Variants in PELI2 observed in about 807,000 individuals in gnomAD.
The protein encoded by PELI2 is E3 ubiquitin-protein ligase pellino homolog 2.
Under a neutral mutation model 42.3 loss-of-function variants are expected in PELI2, and 23 were observed. That is an observed-to-expected ratio of 0.54 (90% CI 0.39 to 0.77). PELI2 has a LOEUF of 0.77. Ranked by LOEUF, PELI2 falls within the 30% of genes least tolerant of loss-of-function variation. The pLI is 0.00. For synonymous variants in PELI2, 245 were observed against 212.2 expected (o/e 1.15, Z -1.34); for missense variants, 463 against 553.2 (o/e 0.84, Z 1.64).
intron 2 of PELI2, among the ~76,000 whole-genome samples, chr14:56,231,835 A>G (rs777593864): frequency 6.6e-6 from 1 of 152,150 alleles, no homozygotes; most frequent in Non-Finnish European, 1.5e-5. Context: ...TTTTTTGAAA[A>G]GATCAACAAA....
At chr14:56,170,126 G>A (rs1180367788) in intron 1 of PELI2, among the ~76,000 whole-genome samples, 1 of 152,198 alleles carries the variant, frequency 6.6e-6, no homozygotes, top group African/African-American at 2.4e-5. Context: ...GATCATAGTA[G>A]TTGCTTGTGA....
At chr14:56,161,318 GGTT>G (rs1278472343) in intron 1 of PELI2, among the ~76,000 whole-genome samples, 2 of 149,996 alleles carry the variant, frequency 1.3e-5, no homozygotes, top group African/African-American at 4.9e-5. Flanking sequence ...TTTTGGTGGT[GGTT>G]GTTTTTGAAA....
At position 56,295,353 on chromosome 14, in the gene PELI2, C is replaced by A. The variant is rs553379745; in HGVS notation, c.697-1247C>A. Among the ~76,000 whole-genome samples, 6 of 152,194 alleles carry A rather than the reference C, an allele frequency of 3.9e-5. No individual in the cohort carries two copies. The East Asian group carries it at 7.8e-4, about 20-fold the overall frequency. The stretch of plus-strand genomic sequence containing the variant: ...CCCGCCTGGGTCTCTCGTCCCCCCC[C>A]ACCCAGTGCCCTGAACTGCGTCCAT... On this transcript the variant is annotated intron_variant, in intron 5 of 5. Transcript: ENST00000267460.
intron 2 of PELI2, among the ~76,000 whole-genome samples, chr14:56,181,746 G>A (rs559465424): frequency 2.0e-5 from 3 of 152,122 alleles, no homozygotes; most frequent in Non-Finnish European, 4.4e-5. Flanking sequence ...TGGCAAGTGC[G>A]TGCTACTGTT....
At chr14:56,193,892 TG>T (rs1886038921) in intron 2 of PELI2, among the ~76,000 whole-genome samples, 1 of 152,232 alleles carries the variant, frequency 6.6e-6, no homozygotes, top group Non-Finnish European at 1.5e-5. Context: ...AGGAAGATTC[TG>T]ATTCCTCCTG....
At chr14:56,256,468 A>G (rs1009807020) in intron 2 of PELI2, among the ~76,000 whole-genome samples, 5 of 152,112 alleles carry the variant, frequency 3.3e-5, no homozygotes, top group Admixed American at 6.6e-5. Flanking sequence ...GAAAAAAAAA[A>G]TACCATTAAC....
chr14:56,148,449 T>A (rs1363559396), intron 1 of PELI2, among the ~76,000 whole-genome samples: 1 of 152,210 alleles, frequency 6.6e-6, no homozygotes, highest in East Asian at 1.9e-4. Flanking sequence ...ATCAGTTCCC[T>A]CTGTGTTCTC....
At chr14:56,244,166 T>C (rs1212687368) in intron 2 of PELI2, among the ~76,000 whole-genome samples, 1 of 152,194 alleles carries the variant, frequency 6.6e-6, no homozygotes, top group Non-Finnish European at 1.5e-5. Flanking sequence ...AGAGGCATCA[T>C]TCATAGTTAC....
At chr14:56,225,720 G>C (rs1887328343) in intron 2 of PELI2, among the ~76,000 whole-genome samples, 1 of 152,170 alleles carries the variant, frequency 6.6e-6, no homozygotes, top group Non-Finnish European at 1.5e-5. Context: ...TCCTAGAGGA[G>C]GCAGAAGCCA....
intron 2 of PELI2, among the ~76,000 whole-genome samples, chr14:56,278,243 TG>T (rs1889359552): frequency 6.6e-6 from 1 of 152,218 alleles, no homozygotes; most frequent in African/African-American, 2.4e-5. Context: ...TTTTACAAAT[TG>T]TTTTTCAGTT....
At chr14:56,282,255 G>A (rs184345049) in intron 3 of PELI2, among the ~76,000 whole-genome samples, 3 of 152,088 alleles carry the variant, frequency 2.0e-5, no homozygotes, top group African/African-American at 4.8e-5. Flanking sequence ...TGTATATATA[G>A]CCACAGAAAG....
chr14:56,228,548 C>A (rs369144213), intron 2 of PELI2, among the ~76,000 whole-genome samples: 1 of 152,082 alleles, frequency 6.6e-6, no homozygotes, highest in African/African-American at 2.4e-5. Flanking sequence ...GGAAAATACA[C>A]GATTATAAAC....
chr14:56,118,810 G>T, intron 1 of PELI2, 73 bp downstream of exon 1: 7 of 1,059,456 alleles, frequency 6.6e-6, no homozygotes, highest in Non-Finnish European at 9.2e-6. Context: ...CGGGGCTGGC[G>T]GGGTGGCTCG....
At chr14:56,275,464 G>A (rs1285757660) in intron 2 of PELI2, among the ~76,000 whole-genome samples, 1 of 152,172 alleles carries the variant, frequency 6.6e-6, no homozygotes. Flanking sequence ...TGGGAGCCCT[G>A]AGTTTGTTTT....
In PELI2 at chr14:56,290,432, G is replaced by T; in HGVS notation, c.672G>T (p.Arg224Ser). ...ATGTGTACACCTTGCGAGAAACCAG[G>T]TCGGCCCAGCAACGAGGAAAGCTGG... ...CGDVYTLRET[R>S]SAQQRGKLVE... The change falls in exon 5 of 6, where the codon AGG (arginine) becomes AGT (serine). Residue 224 changes from arginine (R) to serine (S), a missense_variant. Arg to Ser is a moderately radical substitution (Grantham distance 110). Coordinates refer to ENST00000267460, the MANE Select transcript of PELI2 (RefSeq NM_021255.3). 6.2e-7 allele frequency: 1 copy of T among 1,606,546 alleles called. No homozygotes were observed. The highest frequency in any genetic ancestry group is 8.5e-7 in the Non-Finnish European group (1 of 1,174,998).
intron 1 of PELI2, among the ~76,000 whole-genome samples, chr14:56,163,749 T>C (rs754275355): frequency 1.3e-5 from 2 of 152,142 alleles, no homozygotes; most frequent in South Asian, 4.1e-4. Context: ...TTCAGTGTTA[T>C]GCAGTTTTCA....
Position 56,180,746 on chromosome 14 carries a change from C to T in PELI2, c.207+2282C>T, listed in dbSNP as rs1885548554. Among the ~76,000 whole-genome samples, 1 of 152,018 alleles carries T rather than the reference C, an allele frequency of 6.6e-6. No individual in the cohort carries two copies. Among genetic ancestry groups the T allele is most frequent in the African/African-American group, 2.4e-5 (1 of 41,384 alleles). Reference sequence around the variant, plus strand: ...CGCCCCCCATCTACCTCTTCCGCCCCTTACTCCTGCTCCCTCTCAAACTCT... The same window carrying T: ...CGCCCCCCATCTACCTCTTCCGCCCTTTACTCCTGCTCCCTCTCAAACTCT... On this transcript the variant is annotated intron_variant, in intron 2 of 5. Coordinates refer to ENST00000267460, the MANE Select transcript of PELI2 (RefSeq NM_021255.3). The surrounding 1 kb of genome is among the most constrained non-coding windows in gnomAD (Gnocchi z 4.4).
rs867045077 is a variant in PELI2 at position 56,294,010 on chromosome 14, A to G, written c.697-2590A>G. On this transcript the variant is annotated intron_variant, in intron 5 of 5. Transcript: ENST00000267460. ...GCAAGGTCAGGAGCCTCACGTCACC[A>G]GTTAGAGGAGAGGAGACCATGGGAT... 5.9e-5 allele frequency among the ~76,000 whole-genome samples: 9 copies of G among 152,252 alleles called. No individual in the cohort carries two copies. The South Asian group carries it at 8.3e-4, about 14-fold the overall frequency.
intron 2 of PELI2, among the ~76,000 whole-genome samples, chr14:56,231,121 C>T (rs1221146704): frequency 6.6e-6 from 1 of 152,106 alleles, no homozygotes; most frequent in Non-Finnish European, 1.5e-5. Flanking sequence ...CTTTAGAGAC[C>T]TACAAAGAGA....
Sources: allele counts gnomAD v4.1 joint callset (sites outside exome capture counted in the v4.1 genomes callset), GRCh38; gene constraint gnomAD v4.1.1; non-coding constraint Gnocchi (gnomAD v3.1); transcripts MANE v1.5; gene names NCBI Gene and HGNC (gene_info 2026-07-23, HGNC 2026-07-21).